NUP210L: variants seen among roughly 807,000 people sequenced by gnomAD.
The protein encoded by NUP210L is nuclear pore membrane glycoprotein 210-like.
In NUP210L, 74 loss-of-function variants were observed where a neutral mutation model predicts 208.5. The observed-to-expected ratio is 0.35, with a 90% CI of 0.29 to 0.43. NUP210L has a LOEUF of 0.43. Among genes scored for constraint, NUP210L ranks in the 20% least tolerant of loss-of-function variants. NUP210L has a pLI of 1.00. For missense variants in NUP210L, 1,843 were observed against 2,289.4 expected, an observed-to-expected ratio of 0.81 and a Z score of 3.98; for synonymous variants, 780 against 816.9, an observed-to-expected ratio of 0.95 and a Z score of 0.77.
chr1:154,140,350 C>CAAAAAAAAAAAA (rs375907073), intron 4 of NUP210L, among the ~76,000 whole-genome samples: 1 of 71,590 alleles, frequency 1.4e-5, no homozygotes, highest in Non-Finnish European at 2.8e-5. Context: ...GACTCCGTCT[C>CAAAAAAAAAAAA]AAAAAAAAAA....
intron 2 of NUP210L, among the ~76,000 whole-genome samples, chr1:154,145,989 C>T (rs1308415741): frequency 6.6e-6 from 1 of 152,108 alleles, no homozygotes; most frequent in East Asian, 1.9e-4. Flanking sequence ...CACCTGGCCT[C>T]AAGCGATCCT....
chr1:154,090,330 G>A lies in NUP210L; in HGVS notation c.2188-736C>T, dbSNP rs1419507231. Among the ~76,000 whole-genome samples, 4 of 152,030 alleles carry A rather than the reference G, an allele frequency of 2.6e-5. No homozygotes were observed. In the East Asian group the frequency reaches 7.7e-4, roughly 29 times the overall value. ...TAATTTGTGTTTCCACTCATCTCTA[G>A]TAGAAGTAGTAATGAATAACGGAAT... On this transcript the variant is annotated intron_variant, in intron 15 of 39. Coordinates refer to ENST00000368559, the Ensembl canonical transcript of NUP210L.
At chr1:154,035,194 G>A (rs928146388) in intron 27 of NUP210L, among the ~76,000 whole-genome samples, 2 of 151,746 alleles carry the variant, frequency 1.3e-5, no homozygotes, top group South Asian at 2.1e-4. Context: ...CTTTTTCTTA[G>A]TCTGTCTAAA....
At chr1:154,038,337 C>CTATT (rs1337863188) in intron 27 of NUP210L, among the ~76,000 whole-genome samples, 9 of 134,652 alleles carry the variant, frequency 6.7e-5, no homozygotes, top group African/African-American at 2.4e-4. Context: ...TTTTCTTTTT[C>CTATT]TTTTTTTTTT....
At chr1:153,995,149 C>T in exon 38 of NUP210L, 1 of 1,613,986 alleles carries the variant, frequency 6.2e-7, no homozygotes, top group Non-Finnish European at 8.5e-7. Context: ...AGCCAGTGAA[C>T]CGCTTGAGGA....
chr1:154,082,142 C>T (rs547408158), intron 16 of NUP210L, among the ~76,000 whole-genome samples: 17 of 152,192 alleles, frequency 1.1e-4, no homozygotes, highest in Admixed American at 4.6e-4. Context: ...CAAAAGGACA[C>T]AAAATGATTT....
At chr1:154,001,983 C>T in exon 36 of NUP210L, 2 of 1,611,462 alleles carry the variant, frequency 1.2e-6, no homozygotes, top group Non-Finnish European at 8.5e-7. Flanking sequence ...CAGACATAAA[C>T]CCCTGGAAAA....
chr1:154,150,156 C>T (rs1659311574), intron 2 of NUP210L, among the ~76,000 whole-genome samples: 1 of 152,056 alleles, frequency 6.6e-6, no homozygotes, highest in Non-Finnish European at 1.5e-5. Context: ...GGGCAGATCA[C>T]CTGAGGTTGG....
At chr1:154,071,033 T>C (rs1654687501) in intron 16 of NUP210L, among the ~76,000 whole-genome samples, 1 of 152,092 alleles carries the variant, frequency 6.6e-6, no homozygotes, top group South Asian at 2.1e-4. Flanking sequence ...TTTTTGTTAT[T>C]GTTTTTCATG....
chr1:154,060,245 TAA>T (rs1654065126), intron 20 of NUP210L, among the ~76,000 whole-genome samples: 1 of 152,116 alleles, frequency 6.6e-6, no homozygotes, highest in Admixed American at 6.6e-5. Flanking sequence ...TCTCAATAAA[TAA>T]AGTCAATAGT....
intron 12 of NUP210L, among the ~76,000 whole-genome samples, chr1:154,115,350 A>C (rs573502453): frequency 1.3e-5 from 2 of 152,316 alleles, no homozygotes; most frequent in African/African-American, 4.8e-5. Flanking sequence ...CTCCGTGGTA[A>C]CTACTAACTC....
intron 10 of NUP210L, among the ~76,000 whole-genome samples, chr1:154,120,474 T>G (rs1657559842): frequency 6.6e-6 from 1 of 151,712 alleles, no homozygotes; most frequent in Non-Finnish European, 1.5e-5. Context: ...CCGGAGCCTG[T>G]CATGGGGTTG....
chr1:154,121,371 C>T (rs1056138596), intron 10 of NUP210L, among the ~76,000 whole-genome samples: 2 of 152,070 alleles, frequency 1.3e-5, no homozygotes, highest in Non-Finnish European at 2.9e-5. Flanking sequence ...GAATTTGGAG[C>T]ACCTATCTAT....
Position 154,118,652 on chromosome 1 carries a change from G to A in NUP210L, c.1464+19C>T. 1 of 1,464,090 alleles carries A rather than the reference G, an allele frequency of 6.8e-7. No individual in the cohort carries two copies. The highest frequency in any genetic ancestry group is 9.1e-7 in the Non-Finnish European group (1 of 1,097,086). The allele number at this position is 1,464,090 out of a possible 1,614,324, so 90.7% of individuals were successfully genotyped here. ...AGAAACCGGCTTATCTCCTTGTGAA[G>A]CCTTATAGGACACCATACCTGTACT... On this transcript the variant is annotated intron_variant, in intron 11 of 39. Coordinates refer to ENST00000368559, the Ensembl canonical transcript of NUP210L.
intron 27 of NUP210L, among the ~76,000 whole-genome samples, chr1:154,042,697 G>C (rs1003680070): frequency 6.6e-6 from 1 of 151,146 alleles, no homozygotes; most frequent in Non-Finnish European, 1.5e-5. Context: ...CAAAGTGCTG[G>C]GATTACAGGC....
At chr1:154,022,939 A>G (rs888581354) in intron 31 of NUP210L, among the ~76,000 whole-genome samples, 183 bp downstream of exon 31, 5 of 152,192 alleles carry the variant, frequency 3.3e-5, no homozygotes, top group African/African-American at 1.2e-4. Context: ...AGCCTCCCAA[A>G]GTGCTGAGGT....
intron 37 of NUP210L, among the ~76,000 whole-genome samples, chr1:153,999,830 C>CTT (rs757776667): frequency 7.9e-5 from 11 of 139,010 alleles, no homozygotes; most frequent in African/African-American, 1.8e-4. Flanking sequence ...ATTCTTTTTC[C>CTT]TTTTTTTTTT....
At chr1:154,012,910 G>A (rs1296448390) in intron 33 of NUP210L, among the ~76,000 whole-genome samples, 3 of 151,196 alleles carry the variant, frequency 2.0e-5, no homozygotes, top group South Asian at 4.2e-4. Context: ...GGAGGCTGAC[G>A]CAGGAGAATC....
chr1:154,012,182 ATGAAT>A (rs1246603363), intron 34 of NUP210L, 57 bp downstream of exon 34: 29 of 1,550,066 alleles, frequency 1.9e-5, no homozygotes, highest in Non-Finnish European at 2.5e-5. Context: ...AAAGGGATAA[ATGAAT>A]TGAGGGAAAA....
Sources: gnomAD v4.1 joint callset for allele counts (sites outside exome capture counted in the v4.1 genomes callset) on GRCh38, gnomAD v4.1.1 for gene constraint, MANE v1.5 for transcripts, NCBI Gene and HGNC (gene_info 2026-07-23, HGNC 2026-07-21) for gene names.